Variants in STIM1 observed in about 807,000 individuals in gnomAD.
STIM1 encodes stromal interaction molecule 1.
STIM1 carries 25 observed loss-of-function variants against 74.7 expected under a neutral mutation model. That is an observed-to-expected ratio of 0.33 (90% CI 0.24 to 0.47). The LOEUF is 0.47. Ranked by LOEUF, STIM1 falls within the 20% of genes least tolerant of loss-of-function variation. The probability of loss-of-function intolerance (pLI) is 1.00; values close to 1 mark genes in which losing one functional copy is unlikely to be tolerated. For synonymous variants in STIM1, 328 were observed against 348.8 expected (o/e 0.94, Z 0.66); for missense variants, 728 against 920.8 (o/e 0.79, Z 2.71).
At chr11:4,073,790 T>C (rs1031528710) in intron 6 of STIM1, among the ~76,000 whole-genome samples, 5 of 152,152 alleles carry the variant, frequency 3.3e-5, no homozygotes, top group African/African-American at 4.8e-5. Context: ...AGGAAGATAC[T>C]TAGGAAAGGA....
In STIM1 at chr11:4,063,899, A is replaced by C. The variant is rs577650123; in HGVS notation, c.613+4503A>C. ...ATTTTTGGGAGGAACTTCTTCCTCA[A>C]TAAGGGTTCTGTGTAAAAGACAGGA... On this transcript the variant is annotated intron_variant, in intron 5 of 12. Coordinates refer to ENST00000526596, the MANE Select transcript of STIM1 (RefSeq NM_001382567.1). Among the ~76,000 whole-genome samples, 4 of 152,302 alleles carry C rather than the reference A, an allele frequency of 2.6e-5. No homozygotes were observed. In the South Asian group the frequency reaches 8.3e-4, roughly 32 times the overall value.
intron 5 of STIM1, among the ~76,000 whole-genome samples, chr11:4,066,019 C>T (rs1372421884): frequency 6.6e-6 from 1 of 152,128 alleles, no homozygotes; most frequent in Non-Finnish European, 1.5e-5. Context: ...TATTATTACC[C>T]CTGACTTTGT....
rs548582342 is a variant in STIM1 at position 4,023,138 on chromosome 11, C to T, written c.271-735C>T. ...CTGAGCTCAAGAGTTTGAGACCAGC[C>T]TGGGCAATGGTGAAACCCTATCTTT... On this transcript the variant is annotated intron_variant, in intron 2 of 12. Coordinates refer to ENST00000526596, the MANE Select transcript of STIM1 (RefSeq NM_001382567.1). 3.9e-5 allele frequency among the ~76,000 whole-genome samples: 6 copies of T among 152,202 alleles called. No homozygotes were observed. In the South Asian group the frequency reaches 1.2e-3, roughly 32 times the overall value.
chr11:3,908,187 G>A, intron 1 of STIM1, among the ~76,000 whole-genome samples: 1 of 152,284 alleles, frequency 6.6e-6, no homozygotes, highest in East Asian at 1.9e-4. Flanking sequence ...AATATTTGTT[G>A]ACTGAATGAA....
chr11:3,997,476 G>A (rs372737210), intron 2 of STIM1, among the ~76,000 whole-genome samples: 2 of 151,940 alleles, frequency 1.3e-5, no homozygotes, highest in Non-Finnish European at 1.5e-5. Context: ...GCAATATATC[G>A]AAACCCTGTC....
At chr11:3,861,272 T>C (rs183651228) in intron 1 of STIM1, among the ~76,000 whole-genome samples, 7,313 of 151,272 alleles carry the variant, frequency 0.048, 224 homozygotes, top group African/African-American at 0.074. Context: ...CTTGCTCTGT[T>C]GCCCAGGCTG....
In STIM1 at chr11:3,892,360, T is replaced by A. The variant is rs74050941; in HGVS notation, c.139+35951T>A. ...CTCCTGACCTACAGAAGGAATGGTC[T>A]GGTGGCTAAGATAAAACACAAGTCA... On this transcript the variant is annotated intron_variant, in intron 1 of 12. Transcript: ENST00000526596. The A allele has an allele frequency of 1.2e-3, 1,437 of 1,239,434 alleles. 14 individuals carry two copies. In the African/African-American group the frequency reaches 0.019, roughly 17 times the overall value. The allele number at this position is 1,239,434 out of a possible 1,614,324, so 76.8% of individuals were successfully genotyped here. A position where few individuals can be genotyped will look rare whatever the true frequency, so the allele number is the denominator to read the frequency against.
rs377147375 is a variant in STIM1 at position 3,886,829 on chromosome 11, C to T, written c.139+30420C>T. Among the ~76,000 whole-genome samples the T allele has an allele frequency of 3.3e-5, 5 of 151,746 alleles. No individual in the cohort carries two copies. The East Asian group carries it at 5.8e-4, about 18-fold the overall frequency. On this transcript the variant is annotated intron_variant, in intron 1 of 12. Transcript: ENST00000526596. Reference sequence around the variant, plus strand: ...TCATCCTGGATAACATGGTGAAACCCCGTCTTTACTAAAATACAAAAAATT... The same window carrying T: ...TCATCCTGGATAACATGGTGAAACCTCGTCTTTACTAAAATACAAAAAATT...
At chr11:3,984,694 A>G (rs1393161519) in intron 2 of STIM1, among the ~76,000 whole-genome samples, 1 of 152,246 alleles carries the variant, frequency 6.6e-6, no homozygotes, top group Admixed American at 6.5e-5. Flanking sequence ...AAGTCTAAGC[A>G]TGAGCTTTGG....
intron 1 of STIM1, among the ~76,000 whole-genome samples, chr11:3,958,074 C>T (rs549274155): frequency 1.3e-5 from 2 of 152,286 alleles, no homozygotes; most frequent in African/African-American, 4.8e-5. Flanking sequence ...CCATGTTGGC[C>T]AGGATGGTCT....
At chr11:3,981,751 A>T (rs1230099276) in intron 2 of STIM1, among the ~76,000 whole-genome samples, 1 of 152,172 alleles carries the variant, frequency 6.6e-6, no homozygotes, top group Non-Finnish European at 1.5e-5. Context: ...GCCCTATGTT[A>T]TGAATCATGT....
At chr11:3,906,788 G>A (rs1056350307) in intron 1 of STIM1, among the ~76,000 whole-genome samples, 2 of 152,168 alleles carry the variant, frequency 1.3e-5, no homozygotes, top group African/African-American at 4.8e-5. Flanking sequence ...TGGATGCTCA[G>A]TAAGTTTTTG....
At chr11:3,921,235 TG>T (rs2092713291) in intron 1 of STIM1, among the ~76,000 whole-genome samples, 1 of 152,264 alleles carries the variant, frequency 6.6e-6, no homozygotes, top group Admixed American at 6.5e-5. Flanking sequence ...CAAATGTGGC[TG>T]CCATGATGGA....
intron 2 of STIM1, among the ~76,000 whole-genome samples, chr11:3,993,621 A>C (rs573091269): frequency 6.6e-6 from 1 of 152,258 alleles, no homozygotes; most frequent in East Asian, 1.9e-4. Flanking sequence ...GTGCCACTGC[A>C]CTCCAGCCTG....
chr11:4,039,125 A>C (rs2094127475), intron 3 of STIM1, among the ~76,000 whole-genome samples: 2 of 152,136 alleles, frequency 1.3e-5, no homozygotes, highest in African/African-American at 4.8e-5. Flanking sequence ...AAAGCTTAGT[A>C]ATTTTTGATG....
chr11:3,980,680 CAAA>C (rs1230147060), intron 2 of STIM1, among the ~76,000 whole-genome samples: 33 of 149,022 alleles, frequency 2.2e-4, no homozygotes, highest in Admixed American at 4.7e-4. Context: ...ACAACAACAA[CAAA>C]AAAAAACAAA....
chr11:3,936,302 GC>G (rs2092930435), intron 1 of STIM1, among the ~76,000 whole-genome samples: 1 of 152,194 alleles, frequency 6.6e-6, no homozygotes, highest in South Asian at 2.1e-4. Context: ...TTGTGGTCAA[GC>G]CATTGCCTCT....
intron 2 of STIM1, among the ~76,000 whole-genome samples, chr11:4,002,310 A>G (rs1050757526): frequency 6.6e-6 from 1 of 152,216 alleles, no homozygotes; most frequent in African/African-American, 2.4e-5. Flanking sequence ...CACCATGCCT[A>G]TTCCAAAATT....
At chr11:4,041,761 AT>A (rs931874547) in intron 3 of STIM1, among the ~76,000 whole-genome samples, 10 of 151,948 alleles carry the variant, frequency 6.6e-5, no homozygotes, top group Non-Finnish European at 1.3e-4. Context: ...AGCTAATTTT[AT>A]TTTTTGTAGA....
Sources: allele counts gnomAD v4.1 joint callset (sites outside exome capture counted in the v4.1 genomes callset), GRCh38; gene constraint gnomAD v4.1.1; transcripts MANE v1.5; gene names NCBI Gene and HGNC (gene_info 2026-07-23, HGNC 2026-07-21).